Variants in PINX1 observed in about 807,000 individuals in gnomAD.
PINX1 encodes the protein PIN2/TERF1-interacting telomerase inhibitor 1.
A neutral mutation model predicts 25.4 loss-of-function variants in PINX1; 34 were observed. The observed-to-expected ratio is 1.34, with a 90% CI of 1.02 to 1.78. PINX1 has a LOEUF of 1.78. Among genes scored for constraint, PINX1 ranks in the 40% most tolerant of loss-of-function variants. The probability of loss-of-function intolerance (pLI) is 0.00; values close to 1 mark genes in which losing one functional copy is unlikely to be tolerated. For synonymous variants in PINX1, 197 were observed against 147.7 expected (o/e 1.33, Z -2.42); for missense variants, 592 against 404.9 (o/e 1.46, Z -3.97).
At chr8:10,813,359 A>G (rs538236644) in intron 6 of PINX1, among the ~76,000 whole-genome samples, 11 of 152,320 alleles carry the variant, frequency 7.2e-5, no homozygotes, top group African/African-American at 2.6e-4. Context: ...TTGAATTAAA[A>G]GGCACTTGAA....
In PINX1 at chr8:10,765,535, C is replaced by G. The variant is rs1801005010; in HGVS notation, c.853G>C (p.Glu285Gln). Residue 285 changes from glutamate (E) to glutamine (Q), a missense_variant, in exon 7 of 7, where the codon GAG becomes CAG. By Grantham distance (29) the Glu-to-Gln change is conservative. Transcript: ENST00000314787. ...QDAGDHVQPP[E>Q]GRDFTLKPKK... Reference sequence around the variant, plus strand: ...GGCTTCAGGGTGAAGTCCCGGCCCTCAGGCGGCTGCACATGGTCCCCTGCA... The same window carrying G: ...GGCTTCAGGGTGAAGTCCCGGCCCTGAGGCGGCTGCACATGGTCCCCTGCA... 1 of 1,613,674 alleles carries G rather than the reference C, an allele frequency of 6.2e-7. No individual in the cohort carries two copies. The highest frequency in any genetic ancestry group is 1.3e-5 in the African/African-American group (1 of 74,944).
chr8:10,827,452 G>A (rs1417006113), intron 4 of PINX1, among the ~76,000 whole-genome samples: 1 of 152,072 alleles, frequency 6.6e-6, no homozygotes, highest in Non-Finnish European at 1.5e-5. Context: ...AGGTTGATCT[G>A]GGGTTAGAGT....
At chr8:10,825,458 C>G (rs757295480) in intron 5 of PINX1, 4 of 534,654 alleles carry the variant, frequency 7.5e-6, no homozygotes, top group Middle Eastern at 3.2e-4. Flanking sequence ...TACAGACAAA[C>G]TGGGGAGTTG....
At chr8:10,797,286 G>A (rs554650353) in intron 6 of PINX1, among the ~76,000 whole-genome samples, 2 of 152,182 alleles carry the variant, frequency 1.3e-5, no homozygotes, top group Admixed American at 6.5e-5. Flanking sequence ...TGTTTCAACC[G>A]CACTCTAAAA....
chr8:10,783,509 C>T (rs1399631030), intron 6 of PINX1, among the ~76,000 whole-genome samples: 1 of 152,204 alleles, frequency 6.6e-6, no homozygotes, highest in Non-Finnish European at 1.5e-5. Context: ...TCCTTCAAGA[C>T]ACATACAAAG....
At chr8:10,801,376 A>G (rs1480668476) in intron 6 of PINX1, among the ~76,000 whole-genome samples, 1 of 152,208 alleles carries the variant, frequency 6.6e-6, no homozygotes, top group Admixed American at 6.5e-5. Flanking sequence ...TGCCTTAAAG[A>G]GTCTCCAAGT....
At chr8:10,781,252 A>G (rs1206055215) in intron 6 of PINX1, among the ~76,000 whole-genome samples, 1 of 152,218 alleles carries the variant, frequency 6.6e-6, no homozygotes, top group Non-Finnish European at 1.5e-5. Context: ...AACTCCCAGA[A>G]GAAAACACAG....
chr8:10,788,667 T>G (rs1477713458), intron 6 of PINX1, among the ~76,000 whole-genome samples: 2 of 152,032 alleles, frequency 1.3e-5, no homozygotes, highest in Admixed American at 1.3e-4. Flanking sequence ...TGTGTCTAAG[T>G]GAAAGTGGTC....
chr8:10,796,904 T>TTTC (rs1802100800), intron 6 of PINX1, among the ~76,000 whole-genome samples: 1 of 151,996 alleles, frequency 6.6e-6, no homozygotes, highest in Non-Finnish European at 1.5e-5. Context: ...ATGACAACTA[T>TTTC]CAGCACTCCC....
At chr8:10,766,426 G>A (rs1228505747) in intron 6 of PINX1, among the ~76,000 whole-genome samples, 1 of 152,208 alleles carries the variant, frequency 6.6e-6, no homozygotes, top group African/African-American at 2.4e-5. Flanking sequence ...CATGAGGACA[G>A]GAGCCGCATT....
Position 10,766,008 on chromosome 8 carries a change from TGGCACCCACACCC to T in PINX1, c.472-105_472-93del, listed in dbSNP as rs1801031553. On this transcript the variant is annotated intron_variant, in intron 6 of 6. Coordinates refer to ENST00000314787, the MANE Select transcript of PINX1 (RefSeq NM_017884.6). Reference sequence around the variant, plus strand: ...GGCACCCACACCCGGCGCTCACACCTGGCACCCACACCCGGCGCTCACACCCGGCACCCACACC... The same window carrying T: ...GGCACCCACACCCGGCGCTCACACCTGGCGCTCACACCCGGCACCCACACC... 4.8e-6 allele frequency: 6 copies of T among 1,242,706 alleles called. No individual in the cohort carries two copies. The South Asian group carries it at 7.0e-5, about 15-fold the overall frequency. The allele number at this position is 1,242,706 out of a possible 1,614,324, so 77.0% of individuals were successfully genotyped here.
chr8:10,782,468 G>C (rs535377564), intron 6 of PINX1, among the ~76,000 whole-genome samples: 2 of 152,086 alleles, frequency 1.3e-5, no homozygotes, highest in Non-Finnish European at 2.9e-5. Flanking sequence ...AGGCGCAGTG[G>C]CTCACGCCTG....
chr8:10,793,220 AT>A (rs1179522281), intron 6 of PINX1, among the ~76,000 whole-genome samples: 2 of 152,126 alleles, frequency 1.3e-5, no homozygotes, highest in African/African-American at 4.8e-5. Flanking sequence ...CCTCTAAACT[AT>A]TTTAACAAGC....
chr8:10,778,543 G>T (rs1801485815), intron 6 of PINX1, among the ~76,000 whole-genome samples: 1 of 152,118 alleles, frequency 6.6e-6, no homozygotes, highest in African/African-American at 2.4e-5. Flanking sequence ...ATGCCAGCAT[G>T]TTGTTTTATG....
chr8:10,836,857 C>T (rs1798421304), intron 1 of PINX1, among the ~76,000 whole-genome samples: 1 of 152,222 alleles, frequency 6.6e-6, no homozygotes, highest in Non-Finnish European at 1.5e-5. Context: ...CAGAACCCTG[C>T]TTCCCTGGAA....
At chr8:10,776,253 G>A (rs1243417184) in intron 6 of PINX1, among the ~76,000 whole-genome samples, 6 of 151,892 alleles carry the variant, frequency 4.0e-5, no homozygotes, top group Non-Finnish European at 8.8e-5. Context: ...TGGCAAAACC[G>A]CATCTCTACT....
At chr8:10,786,558 C>A (rs7822821) in intron 6 of PINX1, among the ~76,000 whole-genome samples, 5,672 of 152,254 alleles carry the variant, frequency 0.037, 357 homozygotes, top group African/African-American at 0.13. Context: ...GAAAATTAAG[C>A]GTGAGCTACG....
chr8:10,839,649 C>A (rs1798509609), intron 1 of PINX1, 89 bp downstream of exon 1: 1 of 1,391,042 alleles, frequency 7.2e-7, no homozygotes, highest in Non-Finnish European at 1.0e-6. Context: ...CGCCGGCAAC[C>A]CGAGCTCCCA....
At chr8:10,773,109 A>G (rs1019681434) in intron 6 of PINX1, among the ~76,000 whole-genome samples, 2 of 152,226 alleles carry the variant, frequency 1.3e-5, no homozygotes, top group African/African-American at 4.8e-5. Context: ...GGTGCTAAGT[A>G]AATATTTACT....
Sources: gnomAD v4.1 joint callset for allele counts (sites outside exome capture counted in the v4.1 genomes callset) on GRCh38, gnomAD v4.1.1 for gene constraint, MANE v1.5 for transcripts, NCBI Gene and HGNC (gene_info 2026-07-23, HGNC 2026-07-21) for gene names.